The following SGPP2 variants were observed in gnomAD, a reference collection of about 807,000 sequenced individuals.
SGPP2 encodes the protein sphingosine-1-phosphate phosphatase 2, also known as sphingosine 1-phosphate phosphohydrolase 2.
A neutral mutation model predicts 33.9 loss-of-function variants in SGPP2; 30 were observed. The observed-to-expected ratio is 0.89, with a 90% CI of 0.66 to 1.20. The LOEUF is 1.20. SGPP2 is among the 50% of genes most tolerant of loss of function. The pLI, the probability that SGPP2 is intolerant of heterozygous loss-of-function variation, is 0.00. For missense variants in SGPP2, 458 were observed against 532.1 expected (o/e 0.86, Z 1.37); for synonymous variants, 233 against 225.0 (o/e 1.04, Z -0.32).
At position 222,465,423 on chromosome 2, in the gene SGPP2, T is replaced by TA. The variant is rs5741599; in HGVS notation, c.220-9133dup. ...ATAGGTTGGAAAGTCTTGATTCTCTTAAAAAAAAAAAAGTGAGTAATTAAA... is the reference window on the plus strand; with the variant it reads ...ATAGGTTGGAAAGTCTTGATTCTCTTAAAAAAAAAAAAAGTGAGTAATTAAA... On this transcript the variant is annotated intron_variant, in intron 1 of 4. Coordinates refer to ENST00000321276, the MANE Select transcript of SGPP2 (RefSeq NM_152386.4). The surrounding 1 kb of genome is among the most constrained non-coding windows in gnomAD (Gnocchi z 4.1). Among the ~76,000 whole-genome samples the TA allele has an allele frequency of 2.6e-4, 39 of 151,280 alleles. No individual in the cohort carries two copies. Among genetic ancestry groups the TA allele is most frequent in the Non-Finnish European group, 5.5e-4 (37 of 67,790 alleles).
intron 4 of SGPP2, among the ~76,000 whole-genome samples, chr2:222,553,306 TAAAAC>T (rs1368737661): frequency 6.6e-6 from 1 of 152,174 alleles, no homozygotes; most frequent in Non-Finnish European, 1.5e-5. Flanking sequence ...GTGCTGTACA[TAAAAC>T]AAATGCAAAA....
chr2:222,523,649 T>G (rs1212775379), intron 3 of SGPP2, among the ~76,000 whole-genome samples: 4 of 152,152 alleles, frequency 2.6e-5, no homozygotes, highest in African/African-American at 9.7e-5. Flanking sequence ...TGTATTTAGC[T>G]AGCTGTTTGC....
intron 2 of SGPP2, among the ~76,000 whole-genome samples, chr2:222,515,583 C>T (rs1356253157): frequency 6.6e-6 from 1 of 151,204 alleles, no homozygotes; most frequent in African/African-American, 2.4e-5. Context: ...CCTGCCTTGG[C>T]CTCCCAAAGT....
At chr2:222,433,689 T>TG (rs1159042863) in intron 1 of SGPP2, among the ~76,000 whole-genome samples, 1 of 61,608 alleles carries the variant, frequency 1.6e-5, no homozygotes, top group Admixed American at 2.4e-4. Context: ...TGTAGCTTGA[T>TG]GATTTTTTTC....
At chr2:222,485,127 C>T (rs900642982) in intron 2 of SGPP2, among the ~76,000 whole-genome samples, 10 of 152,172 alleles carry the variant, frequency 6.6e-5, no homozygotes, top group Non-Finnish European at 1.0e-4. Context: ...ATCCCTGGCG[C>T]GCTCTCTAAA....
At chr2:222,490,818 G>A (rs144699168) in intron 2 of SGPP2, among the ~76,000 whole-genome samples, 147 of 152,216 alleles carry the variant, frequency 9.7e-4, no homozygotes, top group African/African-American at 3.4e-3. Context: ...CCTTTTAAAA[G>A]CATCTCATAA....
intron 2 of SGPP2, among the ~76,000 whole-genome samples, chr2:222,511,496 T>C (rs1384686856): frequency 6.6e-6 from 1 of 152,146 alleles, no homozygotes; most frequent in Non-Finnish European, 1.5e-5. Flanking sequence ...GTTTTTGCTT[T>C]CATGCACAGG....
rs1192654510 is a variant in SGPP2 at position 222,517,641 on chromosome 2, A to G, written c.379-4126A>G. 2.6e-5 allele frequency among the ~76,000 whole-genome samples: 4 copies of G among 152,260 alleles called. 1 individual carries two copies. The highest frequency in any genetic ancestry group is 4.1e-4 in the South Asian group (2 of 4,836). The stretch of plus-strand genomic sequence containing the variant: ...TTAAGCTGTCTGTGATGGCAGAGCT[A>G]AAAGAGCACTGTAGCATGCCCACTG... On this transcript the variant is annotated intron_variant, in intron 2 of 4. Coordinates refer to ENST00000321276, the MANE Select transcript of SGPP2 (RefSeq NM_152386.4).
intron 4 of SGPP2, among the ~76,000 whole-genome samples, chr2:222,529,066 C>T (rs994193313): frequency 1.3e-5 from 2 of 152,130 alleles, no homozygotes; most frequent in African/African-American, 4.8e-5. Context: ...TAACCTTTTA[C>T]CTGGAGGAGA....
At chr2:222,461,779 A>G (rs903065447) in intron 1 of SGPP2, among the ~76,000 whole-genome samples, 1 of 151,788 alleles carries the variant, frequency 6.6e-6, no homozygotes, top group Non-Finnish European at 1.5e-5. Flanking sequence ...ATGTTCACTC[A>G]CCCTCCACTC....
At chr2:222,443,342 C>T (rs1697354200) in intron 1 of SGPP2, among the ~76,000 whole-genome samples, 1 of 152,074 alleles carries the variant, frequency 6.6e-6, no homozygotes, top group Admixed American at 6.6e-5. Flanking sequence ...GACCATAGTA[C>T]CTGATGAGTC....
chr2:222,521,678 C>G, intron 2 of SGPP2, 89 bp from the exon 3 acceptor site: 4 of 1,447,570 alleles, frequency 2.8e-6, no homozygotes, highest in Non-Finnish European at 3.7e-6. Context: ...AATCAACAAC[C>G]TGAGAACCCC....
At chr2:222,508,330 G>A (rs1313870561) in intron 2 of SGPP2, among the ~76,000 whole-genome samples, 3 of 152,138 alleles carry the variant, frequency 2.0e-5, no homozygotes, top group Admixed American at 6.6e-5. Context: ...GCGTGGTGTG[G>A]TGAAACAATG....
chr2:222,502,525 G>A (rs749045126), intron 2 of SGPP2, among the ~76,000 whole-genome samples: 6 of 152,226 alleles, frequency 3.9e-5, no homozygotes. Context: ...ACTCCCATGA[G>A]TATTTCCTTT....
intron 1 of SGPP2, among the ~76,000 whole-genome samples, chr2:222,461,616 G>A (rs1697661650): frequency 1.3e-5 from 2 of 151,908 alleles, no homozygotes; most frequent in Non-Finnish European, 2.9e-5. Context: ...CCATCTAAGG[G>A]TGATGGGAGA....
chr2:222,441,625 A>G (rs890485866), intron 1 of SGPP2, among the ~76,000 whole-genome samples: 2 of 152,160 alleles, frequency 1.3e-5, no homozygotes, highest in Admixed American at 6.5e-5. Flanking sequence ...GAGGGTTTAA[A>G]TGTCATTTTT....
rs573308350 is a variant in SGPP2 at position 222,484,185 on chromosome 2, C to G, written c.378+9459C>G. On this transcript the variant is annotated intron_variant, in intron 2 of 4. Coordinates refer to ENST00000321276, the MANE Select transcript of SGPP2 (RefSeq NM_152386.4). Reference sequence around the variant, plus strand: ...AGTTTAGATCTCTCTAATTATCAACCATCTTTACCAGAAAAATGATTCTCT... The same window carrying G: ...AGTTTAGATCTCTCTAATTATCAACGATCTTTACCAGAAAAATGATTCTCT... Among the ~76,000 whole-genome samples, 14 of 152,224 alleles carry G rather than the reference C, an allele frequency of 9.2e-5. No homozygotes were observed. In the South Asian group the frequency reaches 2.1e-3, roughly 23 times the overall value.
chr2:222,425,195 C>T (rs1182136033), intron 1 of SGPP2, among the ~76,000 whole-genome samples: 2 of 152,136 alleles, frequency 1.3e-5, no homozygotes, highest in African/African-American at 4.8e-5. Context: ...TTAGACTCCC[C>T]CCCACCCCCG....
At chr2:222,510,638 G>A (rs1698513190) in intron 2 of SGPP2, among the ~76,000 whole-genome samples, 1 of 152,128 alleles carries the variant, frequency 6.6e-6, no homozygotes, top group South Asian at 2.1e-4. Context: ...TTTTAATATG[G>A]TGGGTGTAAT....
Sources: gnomAD v4.1 joint callset for allele counts (sites outside exome capture counted in the v4.1 genomes callset) on GRCh38, gnomAD v4.1.1 for gene constraint, Gnocchi (gnomAD v3.1) non-coding constraint, MANE v1.5 for transcripts, NCBI Gene and HGNC (gene_info 2026-07-23, HGNC 2026-07-21) for gene names.